The following TRHDE variants were observed in gnomAD, a reference collection of about 807,000 sequenced individuals.
TRHDE encodes thyrotropin-releasing hormone-degrading ectoenzyme.
TRHDE carries 72 observed loss-of-function variants against 125.7 expected under a neutral mutation model. That is an observed-to-expected ratio of 0.57 (90% CI 0.47 to 0.70). TRHDE has a LOEUF of 0.70. Ranked by LOEUF, TRHDE falls within the 30% of genes least tolerant of loss-of-function variation. TRHDE has a pLI of 0.00. For synonymous variants in TRHDE, 509 were observed against 509.1 expected (o/e 1.00, Z 0.00); for missense variants, 1,110 against 1,327.1 (o/e 0.84, Z 2.54).
intron 3 of TRHDE, among the ~76,000 whole-genome samples, chr12:72,433,946 A>T (rs574312518): frequency 2.0e-5 from 3 of 152,126 alleles, no homozygotes; most frequent in Admixed American, 2.0e-4. Context: ...GTTGACTGAG[A>T]GCTGGTGGGA....
intron 3 of TRHDE, among the ~76,000 whole-genome samples, chr12:72,402,101 G>A (rs1350109067): frequency 6.6e-6 from 1 of 152,028 alleles, no homozygotes; most frequent in Non-Finnish European, 1.5e-5. Context: ...AGCTCTGGAG[G>A]CCAAAATTCC....
intron 2 of TRHDE, among the ~76,000 whole-genome samples, chr12:72,241,093 T>C (rs951383404): frequency 6.6e-6 from 1 of 152,122 alleles, no homozygotes; most frequent in African/African-American, 2.4e-5. Flanking sequence ...TTTGTTTTAA[T>C]TATCCCCAAT....
In TRHDE at chr12:72,565,768, TTAATA is replaced by T. The variant is rs958365309; in HGVS notation, c.2042+2733_2042+2737del. Among the ~76,000 whole-genome samples the T allele has an allele frequency of 6.4e-4, 98 of 152,240 alleles. 1 individual carries two copies. Among genetic ancestry groups the T allele is most frequent in the African/African-American group, 2.0e-3 (83 of 41,556 alleles). On this transcript the variant is annotated intron_variant, in intron 9 of 18. Transcript: ENST00000261180. ...TTATATGCACCCATTCTTTACTACC[TTAATA>T]TAATCATTAGAATAAAAGTTGCTTT...
At chr12:72,524,645 T>G (rs964751795) in intron 6 of TRHDE, among the ~76,000 whole-genome samples, 1 of 152,168 alleles carries the variant, frequency 6.6e-6, no homozygotes, top group African/African-American at 2.4e-5. Context: ...GTTCTTGAAC[T>G]CAGTGATGGC....
At position 72,664,669 on chromosome 12, in the gene TRHDE, A is replaced by G. The variant is rs1366191019; in HGVS notation, c.*1474A>G. On this transcript the variant is annotated 3_prime_UTR_variant, in exon 19 of 19. Coordinates refer to ENST00000261180, the MANE Select transcript of TRHDE (RefSeq NM_013381.3). ...CAATGCAACTACTCTACATAGCCAA[A>G]TGTTTGTAAATCACGTCTTATTTTC... 6.6e-6 allele frequency: 1 copy of G among 152,112 alleles called. No individual in the cohort carries two copies. Among genetic ancestry groups the G allele is most frequent in the African/African-American group, 2.4e-5 (1 of 41,436 alleles). 9.4% of individuals were successfully genotyped at this position (152,112 alleles called of 1,614,324 possible). A position where few individuals can be genotyped will look rare whatever the true frequency, so the allele number is the denominator to read the frequency against.
At chr12:72,654,232 C>A (rs572502200) in intron 17 of TRHDE, among the ~76,000 whole-genome samples, 4 of 152,216 alleles carry the variant, frequency 2.6e-5, no homozygotes, top group African/African-American at 9.6e-5. Flanking sequence ...CAGGGCAATG[C>A]AATTATAGGC....
chr12:72,316,104 G>A (rs1215194483), intron 2 of TRHDE, among the ~76,000 whole-genome samples: 1 of 152,050 alleles, frequency 6.6e-6, no homozygotes, highest in Non-Finnish European at 1.5e-5. Context: ...GCTTGTCATT[G>A]AATATATTCT....
At chr12:72,470,996 C>G (rs1876620358) in intron 4 of TRHDE, among the ~76,000 whole-genome samples, 1 of 148,882 alleles carries the variant, frequency 6.7e-6, no homozygotes, top group Admixed American at 6.8e-5. Context: ...CCTGCCTCAG[C>G]TTCCCAAGTA....
intron 3 of TRHDE, among the ~76,000 whole-genome samples, chr12:72,413,768 T>C (rs966759146): frequency 6.6e-6 from 1 of 152,028 alleles, no homozygotes; most frequent in African/African-American, 2.4e-5. Flanking sequence ...CAAATCTAGA[T>C]TGTCATACAC....
At chr12:72,274,215 C>T (rs904751307) in intron 1 of TRHDE, among the ~76,000 whole-genome samples, 1 of 152,176 alleles carries the variant, frequency 6.6e-6, no homozygotes, top group African/African-American at 2.4e-5. Flanking sequence ...AGTGGCCTCG[C>T]GGGCGCTGCC....
chr12:72,510,562 A>C (rs964591797), intron 6 of TRHDE, among the ~76,000 whole-genome samples: 3 of 152,106 alleles, frequency 2.0e-5, no homozygotes, highest in African/African-American at 7.2e-5. Context: ...TTCACATCTT[A>C]TTGTTTCTAA....
At chr12:72,259,561 C>A (rs1386701811) in intron 2 of TRHDE, among the ~76,000 whole-genome samples, 1 of 152,208 alleles carries the variant, frequency 6.6e-6, no homozygotes, top group Non-Finnish European at 1.5e-5. Flanking sequence ...TACATACAGA[C>A]ACACACTTAA....
intron 12 of TRHDE, among the ~76,000 whole-genome samples, chr12:72,581,328 T>C (rs1276743241): frequency 3.9e-5 from 6 of 152,256 alleles, no homozygotes; most frequent in African/African-American, 9.6e-5. Context: ...TTTAAAGTTA[T>C]AAATGTGCAT....
At chr12:72,555,310 CCTT>C (rs1414334240) in intron 7 of TRHDE, among the ~76,000 whole-genome samples, 1 of 152,064 alleles carries the variant, frequency 6.6e-6, no homozygotes, top group Non-Finnish European at 1.5e-5. Context: ...TTTCAACTAT[CCTT>C]CTTCTATCTC....
intron 2 of TRHDE, among the ~76,000 whole-genome samples, chr12:72,241,043 T>A (rs1878468351): frequency 6.7e-6 from 1 of 149,928 alleles, no homozygotes. Flanking sequence ...TGGTCGTGTA[T>A]TATTCATTCC....
intron 2 of TRHDE, among the ~76,000 whole-genome samples, chr12:72,307,158 T>C (rs2135694799): frequency 6.6e-6 from 1 of 150,970 alleles, no homozygotes; most frequent in Non-Finnish European, 1.5e-5. Flanking sequence ...TCTGTCAGAC[T>C]TTTTTTTTAG....
chr12:72,311,955 A>G (rs565562205), intron 2 of TRHDE, among the ~76,000 whole-genome samples: 4 of 152,098 alleles, frequency 2.6e-5, no homozygotes. Flanking sequence ...TATTACGTAA[A>G]TTTCAATGTC....
intron 3 of TRHDE, among the ~76,000 whole-genome samples, chr12:72,422,579 A>G (rs914541078): frequency 6.6e-6 from 1 of 152,206 alleles, no homozygotes; most frequent in Non-Finnish European, 1.5e-5. Context: ...AGAATACAGA[A>G]TGCTTTCATT....
chr12:72,544,459 G>A (rs1869312025), intron 7 of TRHDE, among the ~76,000 whole-genome samples: 1 of 151,554 alleles, frequency 6.6e-6, no homozygotes, highest in South Asian at 2.1e-4. Context: ...TTATTTCCAT[G>A]TTGACAAATG....
Sources: allele counts gnomAD v4.1 joint callset (sites outside exome capture counted in the v4.1 genomes callset), GRCh38; gene constraint gnomAD v4.1.1; transcripts MANE v1.5; gene names NCBI Gene and HGNC (gene_info 2026-07-23, HGNC 2026-07-21).